EPS8: variants seen among roughly 807,000 people sequenced by gnomAD.
EPS8 encodes epidermal growth factor receptor kinase substrate 8.
A neutral mutation model predicts 103.8 loss-of-function variants in EPS8; 42 were observed. That is an observed-to-expected ratio of 0.40 (90% CI 0.32 to 0.52). EPS8 has a LOEUF of 0.52. EPS8 is among the 20% of genes least tolerant of loss of function. The probability of loss-of-function intolerance (pLI) is 0.40; values close to 1 mark genes in which losing one functional copy is unlikely to be tolerated. For synonymous variants in EPS8, 344 were observed against 344.6 expected (o/e 1.00, Z 0.02); for missense variants, 969 against 1,005.1 (o/e 0.96, Z 0.49).
chr12:15,678,834 A>G (rs1232013737), intron 3 of EPS8, among the ~76,000 whole-genome samples: 1 of 150,896 alleles, frequency 6.6e-6, no homozygotes, highest in Non-Finnish European at 1.5e-5. Context: ...GAATCGCTTG[A>G]ACCCTGGAGG....
chr12:15,744,604 T>C (rs577581101), intron 1 of EPS8, among the ~76,000 whole-genome samples: 2 of 152,306 alleles, frequency 1.3e-5, no homozygotes, highest in Admixed American at 1.3e-4. Flanking sequence ...TGAAGGTAAG[T>C]TGTAATACTT....
intron 3 of EPS8, among the ~76,000 whole-genome samples, chr12:15,672,870 C>G (rs1486094530): frequency 6.6e-6 from 1 of 152,098 alleles, no homozygotes; most frequent in African/African-American, 2.4e-5. Context: ...GACCTTAGGA[C>G]AGAAAAGAAA....
intron 1 of EPS8, among the ~76,000 whole-genome samples, chr12:15,750,280 A>T (rs551694822): frequency 6.6e-6 from 1 of 152,218 alleles, no homozygotes; most frequent in African/African-American, 2.4e-5. Flanking sequence ...GCACATGCAC[A>T]CACACAAAAA....
Position 15,637,038 on chromosome 12 carries a change from T to G in EPS8, c.1821+3665A>C, listed in dbSNP as rs1945146947. On this transcript the variant is annotated intron_variant, in intron 17 of 20. Coordinates refer to ENST00000281172, the MANE Select transcript of EPS8 (RefSeq NM_004447.6). ...GTTTTTTCTTCTTTTTCTTCTTGTT[T>G]TGAGACGGAGTCTCGCTCTGTCGCC... 2.6e-5 allele frequency among the ~76,000 whole-genome samples: 4 copies of G among 152,264 alleles called. 1 individual carries two copies. The South Asian group carries it at 8.3e-4, about 31-fold the overall frequency.
rs1947163533 is a variant in EPS8 at position 15,772,341 on chromosome 12, T to C, written c.-22+16820A>G. Among the ~76,000 whole-genome samples, 1 of 152,042 alleles carries C rather than the reference T, an allele frequency of 6.6e-6. No individual in the cohort carries two copies. On this transcript the variant is annotated intron_variant, in intron 1 of 20. Transcript: ENST00000281172. This position sits in a 1 kb window ranked among gnomAD's most constrained non-coding sequence, Gnocchi z 5.0. ...CCTGTGTGATATTCAGCTTCAGTCA[T>C]AAATAGAGTTAGAGTTCCCAAGAAA...
In EPS8 at chr12:15,761,733, T is replaced by C. The variant is rs1359972941; in HGVS notation, c.-22+27428A>G. 6.6e-6 allele frequency among the ~76,000 whole-genome samples: 1 copy of C among 152,022 alleles called. No individual in the cohort carries two copies. Among genetic ancestry groups the C allele is most frequent in the Non-Finnish European group, 1.5e-5 (1 of 67,986 alleles). On this transcript the variant is annotated intron_variant, in intron 1 of 20. Transcript: ENST00000281172. The surrounding 1 kb of genome is among the most constrained non-coding windows in gnomAD (Gnocchi z 4.5). ...GCGCTGGGAAAACTGGATATCCATA[T>C]CCAGAAGAAGGAAACTAGACCCCTA...
Position 15,687,827 on chromosome 12 carries a change from T to C in EPS8, c.-21-4855A>G, listed in dbSNP as rs1270838073. Among the ~76,000 whole-genome samples, 3 of 152,216 alleles carry C rather than the reference T, an allele frequency of 2.0e-5. No homozygotes were observed. In the East Asian group the frequency reaches 5.8e-4, roughly 29 times the overall value. ...CTATACTATACATGGAAATTACTAA[T>C]ATCTCAGTTCAAAATGTTTTGATAT... is the stretch of plus-strand genomic sequence containing the variant. On this transcript the variant is annotated intron_variant, in intron 1 of 20. Transcript: ENST00000281172.
chr12:15,753,931 G>A (rs985134299), intron 1 of EPS8, among the ~76,000 whole-genome samples: 3 of 152,216 alleles, frequency 2.0e-5, no homozygotes, highest in African/African-American at 7.2e-5. Context: ...ACTCATGCAA[G>A]GAAAGGGACA....
At chr12:15,686,304 T>G (rs1457752723) in intron 1 of EPS8, among the ~76,000 whole-genome samples, 1 of 152,218 alleles carries the variant, frequency 6.6e-6, no homozygotes, top group African/African-American at 2.4e-5. Context: ...ACTATTTATA[T>G]GATCTTAGGT....
In EPS8 at chr12:15,762,691, G is replaced by A. The variant is rs1284500111; in HGVS notation, c.-22+26470C>T. Among the ~76,000 whole-genome samples, 2 of 152,134 alleles carry A rather than the reference G, an allele frequency of 1.3e-5. No homozygotes were observed. The highest frequency in any genetic ancestry group is 3.8e-4 in the East Asian group (2 of 5,204). On this transcript the variant is annotated intron_variant, in intron 1 of 20. Transcript: ENST00000281172. This position sits in a 1 kb window ranked among gnomAD's most constrained non-coding sequence, Gnocchi z 4.8. ...AGCCAGGCACAGAAAAACATCATAT[G>A]TTCTCATTTATTTGCAGAATCTAGA... is the stretch of plus-strand genomic sequence containing the variant.
Position 15,771,182 on chromosome 12 carries a change from A to C in EPS8, c.-22+17979T>G, listed in dbSNP as rs571639202. Among the ~76,000 whole-genome samples, 1 of 152,214 alleles carries C rather than the reference A, an allele frequency of 6.6e-6. No homozygotes were observed. The highest frequency in any genetic ancestry group is 1.9e-4 in the East Asian group (1 of 5,200). The stretch of plus-strand genomic sequence containing the variant: ...TGGATTCGATTTGTATATAGAGATA[A>C]ATTAAAAAGTTATTCCAAATATAGA... On this transcript the variant is annotated intron_variant, in intron 1 of 20. Transcript: ENST00000281172. This position sits in a 1 kb window ranked among gnomAD's most constrained non-coding sequence, Gnocchi z 4.6.
At chr12:15,755,130 A>AAAGAG (rs1217769796) in intron 1 of EPS8, among the ~76,000 whole-genome samples, 5 of 152,216 alleles carry the variant, frequency 3.3e-5, no homozygotes, top group Middle Eastern at 3.4e-3. Context: ...TATAGATGAC[A>AAAGAG]TCACTCATCT....
intron 1 of EPS8, among the ~76,000 whole-genome samples, chr12:15,730,509 T>G (rs1946702434): frequency 6.6e-6 from 1 of 152,148 alleles, no homozygotes; most frequent in Non-Finnish European, 1.5e-5. Context: ...AAATAAAGAT[T>G]CAACAAGATA....
chr12:15,728,316 G>A lies in EPS8; in HGVS notation c.-21-45344C>T, dbSNP rs187725024. 2 of 152,168 alleles carry A rather than the reference G, an allele frequency of 1.3e-5. No homozygotes were observed. The allele number at this position is 152,168 out of a possible 1,614,324, so 9.4% of individuals were successfully genotyped here. ...TAGATTCCATTTTCAAACCAGGGGG[G>A]GTGCCTTGTGGGTGTATGTGTGTAT... On this transcript the variant is annotated intron_variant, in intron 1 of 20. Coordinates refer to ENST00000281172, the MANE Select transcript of EPS8 (RefSeq NM_004447.6). This position sits in a 1 kb window ranked among gnomAD's most constrained non-coding sequence, Gnocchi z 4.5.
In EPS8 at chr12:15,746,146, T is replaced by C. The variant is rs11056628; in HGVS notation, c.-22+43015A>G. Among the ~76,000 whole-genome samples, 433 of 152,288 alleles carry C rather than the reference T, an allele frequency of 2.8e-3. 5 individuals are homozygous for C. The East Asian group carries it at 0.031, about 11-fold the overall frequency. On this transcript the variant is annotated intron_variant, in intron 1 of 20. Coordinates refer to ENST00000281172, the MANE Select transcript of EPS8 (RefSeq NM_004447.6). ...AGTGATGCATCTAATAGAGAACTAA[T>C]TTTTCCTTGAAGCAGGAGTCAGGGG...
chr12:15,754,192 A>C (rs1946961658), intron 1 of EPS8, among the ~76,000 whole-genome samples: 1 of 152,140 alleles, frequency 6.6e-6, no homozygotes, highest in African/African-American at 2.4e-5. Flanking sequence ...CTGTCACACT[A>C]AGTGTTGGCC....
chr12:15,671,473 C>T (rs1342871487), intron 3 of EPS8, among the ~76,000 whole-genome samples: 1 of 151,984 alleles, frequency 6.6e-6, no homozygotes, highest in Non-Finnish European at 1.5e-5. Context: ...TAACAGTTTT[C>T]ACACATCTAC....
Position 15,751,947 on chromosome 12 carries a change from A to G in EPS8, c.-22+37214T>C, listed in dbSNP as rs931246695. On this transcript the variant is annotated intron_variant, in intron 1 of 20. Coordinates refer to ENST00000281172, the MANE Select transcript of EPS8 (RefSeq NM_004447.6). The surrounding 1 kb of genome is among the most constrained non-coding windows in gnomAD (Gnocchi z 4.3). ...GAGAGCCAGAAAAGTGTAGAAAATC[A>G]AGGAGGATTAAGAGATTCTGGGCAG... 1.3e-5 allele frequency among the ~76,000 whole-genome samples: 2 copies of G among 152,132 alleles called. No homozygotes were observed. Among genetic ancestry groups the G allele is most frequent in the Admixed American group, 6.5e-5 (1 of 15,274 alleles).
At chr12:15,661,985 A>C (rs536986966) in intron 9 of EPS8, 41 bp downstream of exon 9, 11 of 1,431,880 alleles carry the variant, frequency 7.7e-6, no homozygotes, top group Admixed American at 1.9e-5. Context: ...TTTTCCTCTT[A>C]AAAGAAAAGC....
Sources: allele counts gnomAD v4.1 joint callset (sites outside exome capture counted in the v4.1 genomes callset), GRCh38; gene constraint gnomAD v4.1.1; non-coding constraint Gnocchi (gnomAD v3.1); transcripts MANE v1.5; gene names NCBI Gene and HGNC (gene_info 2026-07-23, HGNC 2026-07-21).